The following KCNJ3 variants were observed in gnomAD, a reference collection of about 807,000 sequenced individuals.
KCNJ3 encodes potassium inwardly rectifying channel subfamily J member 3, also known as G protein-activated inward rectifier potassium channel 1.
KCNJ3 carries 4 observed loss-of-function variants against 39.2 expected under a neutral mutation model. The observed-to-expected ratio is 0.10, with a 90% CI of 0.05 to 0.23. The LOEUF is 0.23. KCNJ3 is among the 10% of genes least tolerant of loss of function. The pLI is 1.00. For synonymous variants in KCNJ3, 230 were observed against 237.4 expected (o/e 0.97, Z 0.29); for missense variants, 276 against 634.9 (o/e 0.43, Z 6.08).
chr2:154,811,911 A>T (rs1687014035), intron 2 of KCNJ3, among the ~76,000 whole-genome samples: 1 of 152,172 alleles, frequency 6.6e-6, no homozygotes, highest in African/African-American at 2.4e-5. Context: ...TTCTCTTTAG[A>T]ATAAAAGATA....
intron 2 of KCNJ3, among the ~76,000 whole-genome samples, chr2:154,788,692 A>G (rs1686576694): frequency 6.6e-6 from 1 of 151,872 alleles, no homozygotes; most frequent in South Asian, 2.1e-4. Flanking sequence ...ACTGATCTAA[A>G]ATATGTTTAT....
At chr2:154,759,959 A>C (rs1343423790) in intron 2 of KCNJ3, among the ~76,000 whole-genome samples, 1 of 152,158 alleles carries the variant, frequency 6.6e-6, no homozygotes, top group Non-Finnish European at 1.5e-5. Context: ...ATGTTTCTTT[A>C]GATAAGACAA....
rs762478900 is a variant in KCNJ3, at chr2:154,709,809, G to A, written c.909G>A (p.Val303=). The A allele has an allele frequency of 2.5e-6, 4 of 1,613,518 alleles. No individual in the cohort carries two copies. In the Admixed American group the frequency reaches 6.7e-5, roughly 27 times the overall value. ...FEIVVILEGI[V]ETTGMTCQAR... ...TTGTCGTCATCCTAGAAGGCATTGT[G>A]GAAACAACTGGTGAGTAAAAACAGA... The change falls in exon 2 of 3, where the codon GTG becomes GTA. Residue 303 remains valine, a synonymous_variant. Coordinates refer to ENST00000295101, the MANE Select transcript of KCNJ3 (RefSeq NM_002239.4).
intron 2 of KCNJ3, among the ~76,000 whole-genome samples, chr2:154,719,990 G>A (rs1441465854): frequency 6.6e-6 from 1 of 152,010 alleles, no homozygotes; most frequent in East Asian, 1.9e-4. Flanking sequence ...TTGACCTGCT[G>A]GATTCATAGC....
intron 2 of KCNJ3, among the ~76,000 whole-genome samples, chr2:154,726,558 C>T (rs1207066654): frequency 6.6e-6 from 1 of 151,988 alleles, no homozygotes; most frequent in Non-Finnish European, 1.5e-5. Context: ...ATGGAGCTTC[C>T]TTAAAGAGCT....
intron 2 of KCNJ3, among the ~76,000 whole-genome samples, chr2:154,789,184 G>A (rs1303145184): frequency 6.6e-6 from 1 of 152,010 alleles, no homozygotes; most frequent in Non-Finnish European, 1.5e-5. Flanking sequence ...AAGGATATAT[G>A]AATATTAGAT....
intron 2 of KCNJ3, among the ~76,000 whole-genome samples, chr2:154,780,187 G>T (rs1161498843): frequency 6.6e-6 from 1 of 152,122 alleles, no homozygotes. Flanking sequence ...AAGAAAAAAA[G>T]GCACAAATGC....
At chr2:154,765,371 A>C (rs1686115260) in intron 2 of KCNJ3, among the ~76,000 whole-genome samples, 1 of 152,136 alleles carries the variant, frequency 6.6e-6, no homozygotes, top group African/African-American at 2.4e-5. Flanking sequence ...GGCACTTATT[A>C]CCAGTTTCAA....
chr2:154,710,040 A>G (rs1289577885), intron 2 of KCNJ3, among the ~76,000 whole-genome samples: 1 of 152,094 alleles, frequency 6.6e-6, no homozygotes, highest in African/African-American at 2.4e-5. Context: ...TGGAACACTC[A>G]CTGTAAAAAA....
intron 2 of KCNJ3, among the ~76,000 whole-genome samples, chr2:154,808,645 A>C (rs1180910113): frequency 1.3e-5 from 2 of 152,122 alleles, no homozygotes; most frequent in African/African-American, 4.8e-5. Context: ...AGGGCAAAAA[A>C]TTGCATCATG....
chr2:154,848,549 C>T (rs931726213), intron 2 of KCNJ3, among the ~76,000 whole-genome samples: 3 of 152,142 alleles, frequency 2.0e-5, no homozygotes, highest in South Asian at 2.1e-4. Context: ...AAAGTTCACT[C>T]ATCAATTGGT....
At chr2:154,807,075 T>G (rs1686925393) in intron 2 of KCNJ3, among the ~76,000 whole-genome samples, 1 of 152,190 alleles carries the variant, frequency 6.6e-6, no homozygotes, top group Non-Finnish European at 1.5e-5. Flanking sequence ...TTATCACTAT[T>G]TCTAATTGGA....
intron 2 of KCNJ3, among the ~76,000 whole-genome samples, chr2:154,837,906 AG>A (rs1379979895): frequency 1.3e-5 from 2 of 152,206 alleles, no homozygotes; most frequent in East Asian, 3.8e-4. Flanking sequence ...GGAATTTAAG[AG>A]AGTTTATTCT....
At chr2:154,766,142 A>C (rs1686128981) in intron 2 of KCNJ3, among the ~76,000 whole-genome samples, 1 of 152,210 alleles carries the variant, frequency 6.6e-6, no homozygotes, top group Non-Finnish European at 1.5e-5. Context: ...GTAGAACAAT[A>C]GATATTTCTT....
intron 2 of KCNJ3, among the ~76,000 whole-genome samples, chr2:154,746,968 G>T (rs1823003): frequency 0.25 from 37,243 of 151,378 alleles, 5,591 homozygotes; most frequent in Non-Finnish European, 0.32. Context: ...ATGACAGCAA[G>T]AACTTCAAAC....
intron 2 of KCNJ3, among the ~76,000 whole-genome samples, chr2:154,825,135 T>C (rs911176698): frequency 2.6e-5 from 4 of 152,202 alleles, no homozygotes; most frequent in Non-Finnish European, 4.4e-5. Flanking sequence ...GGCATGCTAA[T>C]AGGCAGATCT....
At chr2:154,807,608 G>A (rs936855699) in intron 2 of KCNJ3, among the ~76,000 whole-genome samples, 1 of 152,192 alleles carries the variant, frequency 6.6e-6, no homozygotes, top group Non-Finnish European at 1.5e-5. Flanking sequence ...AAATGGGGAT[G>A]GAGATGAGAA....
rs189432683 is a variant in KCNJ3 at position 154,827,125 on chromosome 2, T to C, written c.920-27602T>C. ...GCCGAATTGTATCCTTCTCCCAGCTTAATAAGTCTGTTTTTATTTTGCTTG... is the reference window on the plus strand; with the variant it reads ...GCCGAATTGTATCCTTCTCCCAGCTCAATAAGTCTGTTTTTATTTTGCTTG... On this transcript the variant is annotated intron_variant, in intron 2 of 2. Transcript: ENST00000295101. Among the ~76,000 whole-genome samples the C allele has an allele frequency of 1.6e-4, 25 of 152,262 alleles. No homozygotes were observed. In the East Asian group the frequency reaches 4.6e-3, roughly 28 times the overall value.
chr2:154,747,412 A>T (rs1685767023), intron 2 of KCNJ3, among the ~76,000 whole-genome samples: 1 of 152,062 alleles, frequency 6.6e-6, no homozygotes, highest in African/African-American at 2.4e-5. Flanking sequence ...TTATATACAT[A>T]TTTATAAAAC....
Sources: gnomAD v4.1 joint callset for allele counts (sites outside exome capture counted in the v4.1 genomes callset) on GRCh38, gnomAD v4.1.1 for gene constraint, MANE v1.5 for transcripts, NCBI Gene and HGNC (gene_info 2026-07-23, HGNC 2026-07-21) for gene names.